Variants in TFPI observed in about 807,000 individuals in gnomAD.
TFPI encodes the protein anti-convertin.
Under a neutral mutation model 34.6 loss-of-function variants are expected in TFPI, and 15 were observed. The observed-to-expected ratio is 0.43, with a 90% CI of 0.29 to 0.67. The LOEUF is 0.67. Among genes scored for constraint, TFPI ranks in the 30% least tolerant of loss-of-function variants. The pLI is 0.15. For synonymous variants in TFPI, 105 were observed against 120.1 expected (o/e 0.87, Z 0.82); for missense variants, 301 against 364.0 (o/e 0.83, Z 1.41).
chr2:187,533,606 GGA>G (rs1688089898), intron 1 of TFPI, among the ~76,000 whole-genome samples: 1 of 152,156 alleles, frequency 6.6e-6, no homozygotes, highest in African/African-American at 2.4e-5. Context: ...AGAAAGATGA[GGA>G]AAAACCAGCA....
At chr2:187,548,096 C>T (rs1688961746) in intron 1 of TFPI, among the ~76,000 whole-genome samples, 1 of 151,894 alleles carries the variant, frequency 6.6e-6, no homozygotes, top group South Asian at 2.1e-4. Flanking sequence ...CAGAGTTATA[C>T]AGAAAGAAAG....
chr2:187,529,319 A>C (rs1182603744), intron 1 of TFPI: 1 of 152,240 alleles, frequency 6.6e-6, no homozygotes, highest in Non-Finnish European at 1.5e-5. Context: ...CTGTAACAAA[A>C]TATCACAGAC....
intron 7 of TFPI, among the ~76,000 whole-genome samples, chr2:187,467,539 G>A (rs1315110334): frequency 1.3e-5 from 2 of 151,962 alleles, no homozygotes; most frequent in East Asian, 3.9e-4. Flanking sequence ...TGTTTAATTT[G>A]TTTTAAATTG....
At chr2:187,505,999 A>G (rs1271983092) in intron 1 of TFPI, among the ~76,000 whole-genome samples, 2 of 151,934 alleles carry the variant, frequency 1.3e-5, no homozygotes, top group Non-Finnish European at 2.9e-5. Context: ...TTTTTTTTTA[A>G]AAAAAAGAAA....
At chr2:187,532,427 G>A (rs929677930) in intron 1 of TFPI, among the ~76,000 whole-genome samples, 2 of 152,230 alleles carry the variant, frequency 1.3e-5, no homozygotes, top group Admixed American at 6.5e-5. Context: ...AGCCCATGGA[G>A]GGCAAGCCGA....
chr2:187,515,639 TG>T (rs1574474343), intron 1 of TFPI: 1 of 152,226 alleles, frequency 6.6e-6, no homozygotes, highest in East Asian at 1.9e-4. Context: ...CCTTAAAATT[TG>T]GACTTGTACA....
chr2:187,522,915 T>C (rs1043824607), intron 1 of TFPI, among the ~76,000 whole-genome samples: 8 of 149,814 alleles, frequency 5.3e-5, no homozygotes, highest in African/African-American at 2.0e-4. Context: ...AATAAATAAA[T>C]AAATAAATAA....
intron 3 of TFPI, among the ~76,000 whole-genome samples, chr2:187,489,006 T>C (rs996777487): frequency 6.6e-6 from 1 of 151,534 alleles, no homozygotes; most frequent in Non-Finnish European, 1.5e-5. Flanking sequence ...CTAATTTAAA[T>C]GATAGGTAAT....
At chr2:187,467,116 A>G (rs1331208946) in intron 7 of TFPI, 74 bp from the exon 8 acceptor site, 9 of 1,006,654 alleles carry the variant, frequency 8.9e-6, no homozygotes, top group Non-Finnish European at 1.3e-5. Context: ...AATCTTCTCA[A>G]AGTAACTTTT....
chr2:187,536,063 A>T (rs1050196944), intron 1 of TFPI, among the ~76,000 whole-genome samples: 13 of 152,220 alleles, frequency 8.5e-5, no homozygotes, highest in African/African-American at 3.1e-4. Context: ...TAGACCAATA[A>T]CAAGTCCTGA....
At chr2:187,478,843 T>A in intron 6 of TFPI, 1 of 1,537,258 alleles carries the variant, frequency 6.5e-7, no homozygotes, top group East Asian at 2.3e-5. Flanking sequence ...ATGTGAGTCA[T>A]CTTTATATGT....
chr2:187,549,883 A>G (rs1490477545), intron 1 of TFPI, among the ~76,000 whole-genome samples: 2 of 149,142 alleles, frequency 1.3e-5, no homozygotes, highest in Non-Finnish European at 3.0e-5. Context: ...TGAAATAAGT[A>G]AAAAAAAAAG....
At chr2:187,522,846 G>C (rs554503435) in intron 1 of TFPI, among the ~76,000 whole-genome samples, 11 of 151,214 alleles carry the variant, frequency 7.3e-5, no homozygotes, top group African/African-American at 2.7e-4. Context: ...AGCCGAGATC[G>C]TGCCGCTGCA....
chr2:187,499,026 C>T (rs1365184755), intron 2 of TFPI, among the ~76,000 whole-genome samples: 1 of 151,736 alleles, frequency 6.6e-6, no homozygotes, highest in East Asian at 1.9e-4. Flanking sequence ...AACAGTGTCA[C>T]TAAATCCAAT....
intron 1 of TFPI, chr2:187,527,064 T>C (rs1687716844): frequency 6.6e-6 from 1 of 152,194 alleles, no homozygotes; most frequent in Non-Finnish European, 1.5e-5. Flanking sequence ...TGATGTGCTT[T>C]CATTTTGTTT....
At chr2:187,532,774 T>C (rs140751553) in intron 1 of TFPI, among the ~76,000 whole-genome samples, 26 of 152,118 alleles carry the variant, frequency 1.7e-4, no homozygotes, top group African/African-American at 6.0e-4. Flanking sequence ...GGGAGGCAAG[T>C]GGTCTAGCTG....
chr2:187,522,923 T>C (rs1687482407), intron 1 of TFPI, among the ~76,000 whole-genome samples: 1 of 147,178 alleles, frequency 6.8e-6, no homozygotes, highest in Non-Finnish European at 1.5e-5. Context: ...AATAAATAAA[T>C]AAATAAATAA....
At chr2:187,486,906 C>G (rs1468127365) in intron 4 of TFPI, among the ~76,000 whole-genome samples, 3 of 151,458 alleles carry the variant, frequency 2.0e-5, no homozygotes, top group African/African-American at 7.3e-5. Flanking sequence ...TTATAATGGT[C>G]CAATGCTAGG....
intron 6 of TFPI, among the ~76,000 whole-genome samples, chr2:187,480,369 A>T (rs1252053084): frequency 1.3e-5 from 2 of 152,136 alleles, no homozygotes; most frequent in Non-Finnish European, 2.9e-5. Flanking sequence ...CTGTCCTAAG[A>T]AAGTTATGTA....
Sources: allele counts gnomAD v4.1 joint callset (sites outside exome capture counted in the v4.1 genomes callset), GRCh38; gene constraint gnomAD v4.1.1; transcripts MANE v1.5; gene names NCBI Gene and HGNC (gene_info 2026-07-23, HGNC 2026-07-21).